The following KAT5 variants were observed in gnomAD, a reference collection of about 807,000 sequenced individuals.
The protein encoded by KAT5 is histone acetyltransferase KAT5.
A neutral mutation model predicts 68.1 loss-of-function variants in KAT5; 31 were observed. That is an observed-to-expected ratio of 0.46 (90% CI 0.34 to 0.61). KAT5 has a LOEUF of 0.61. Ranked by LOEUF, KAT5 falls within the 20% of genes least tolerant of loss-of-function variation. The pLI, the probability that KAT5 is intolerant of heterozygous loss-of-function variation, is 0.01. For missense variants in KAT5, 451 were observed against 725.5 expected (o/e 0.62, Z 4.35); for synonymous variants, 365 against 292.6 (o/e 1.25, Z -2.52).
rs766664714 is a variant in KAT5, at chr11:65,716,751, T to C, written c.1114T>C (p.Tyr372His). Reference protein sequence around the residue: ...LYYDTDPFLFYVMTEYDCKGF... With the variant: ...LYYDTDPFLFHVMTEYDCKGF... ...CTATGACACAGACCCTTTCCTCTTC[T>C]ACGTCATGACAGAGTATGACTGTAA... Residue 372 changes from tyrosine (Y) to histidine (H), a missense_variant, in exon 9 of 13, where the codon TAC becomes CAC. Tyr to His is a moderately conservative substitution (Grantham distance 83). Coordinates refer to ENST00000341318, the MANE Select transcript of KAT5 (RefSeq NM_182710.3). 1.9e-6 allele frequency: 3 copies of C among 1,614,048 alleles called. No homozygotes were observed. Among genetic ancestry groups the C allele is most frequent in the South Asian group, 1.1e-5 (1 of 91,082 alleles).
intron 2 of KAT5, 43 bp from the exon 3 acceptor site, chr11:65,712,878 GA>G (rs1857069855): frequency 6.2e-7 from 1 of 1,613,982 alleles, no homozygotes. Context: ...AGGGTTGGGG[GA>G]CAGTCTTTGG....
chr11:65,718,872 G>A lies in KAT5; in HGVS notation c.1425-1G>A. On this transcript the variant is annotated splice_acceptor_variant, in intron 11 of 12. Coordinates refer to ENST00000341318, the MANE Select transcript of KAT5 (RefSeq NM_182710.3). LOFTEE classifies it high-confidence loss of function. Reference sequence around the variant, plus strand: ...GGAACCTGACCTGTGCTCTCCCACAGTGAGATTAGTGAAATCACCAGCATC... The same window carrying A: ...GGAACCTGACCTGTGCTCTCCCACAATGAGATTAGTGAAATCACCAGCATC... 6.2e-7 allele frequency: 1 copy of A among 1,614,152 alleles called. No individual in the cohort carries two copies. The highest frequency in any genetic ancestry group is 1.1e-5 in the South Asian group (1 of 91,092).
upstream of KAT5, chr11:65,712,165 G>A (rs920003527): frequency 5.9e-6 from 7 of 1,180,066 alleles, no homozygotes; most frequent in African/African-American, 1.6e-5. Flanking sequence ...TCTCTCAAAG[G>A]TCCCCCTCTA....
rs765272889 is a variant in KAT5, at chr11:65,716,786, C to T, written c.1149C>T (p.His383=). 2 of 1,614,058 alleles carry T rather than the reference C, an allele frequency of 1.2e-6. No individual in the cohort carries two copies. The highest frequency in any genetic ancestry group is 1.3e-5 in the African/African-American group (1 of 74,926). Residue 383 remains histidine (H), a synonymous_variant, in exon 9 of 13, where the codon CAC becomes CAT. Coordinates refer to ENST00000341318, the MANE Select transcript of KAT5 (RefSeq NM_182710.3). The part of the protein sequence containing the change: ...VMTEYDCKGF[H]IVGYFSKEKE... ...CAGAGTATGACTGTAAGGGCTTCCA[C>T]ATCGTGGGCTACTTCTCCAAGGTCA...
At chr11:65,717,273 G>T (rs4645930) in intron 10 of KAT5, 2 of 526,360 alleles carry the variant, frequency 3.8e-6, no homozygotes, top group African/African-American at 1.9e-5. Context: ...ATGGGCAGAA[G>T]GTTAGTGAGC....
intron 10 of KAT5, 38 bp from the exon 11 acceptor site, chr11:65,718,552 T>C (rs750571826): frequency 6.3e-7 from 1 of 1,595,588 alleles, no homozygotes; most frequent in Non-Finnish European, 8.6e-7. Flanking sequence ...TGTTCATCTG[T>C]GACCTCTTAC....
At position 65,719,368 on chromosome 11, in the gene KAT5, A is replaced by G. The variant is rs974484828; in HGVS notation, c.*187A>G. 1.7e-5 allele frequency: 12 copies of G among 708,362 alleles called. No homozygotes were observed. In the African/African-American group the frequency reaches 2.2e-4, roughly 13 times the overall value. 43.9% of individuals were successfully genotyped at this position (708,362 alleles called of 1,614,324 possible). ...CCAAGGCGAGCTCCGGGCTCAGACC[A>G]ACTCCAAGGTCAGCTGGCCACAGGC... On this transcript the variant is annotated 3_prime_UTR_variant, in exon 13 of 13. Transcript: ENST00000341318.
At chr11:65,716,391 A>T (rs1857195939) in intron 8 of KAT5, 1 of 477,690 alleles carries the variant, frequency 2.1e-6, no homozygotes. Context: ...TCAGGCTTAG[A>T]ATGGAGGTGT....
chr11:65,712,261 A>G lies in KAT5; in HGVS notation c.-7A>G. 1 of 1,410,880 alleles carries G rather than the reference A, an allele frequency of 7.1e-7. No individual in the cohort carries two copies. The highest frequency in any genetic ancestry group is 2.9e-5 in the East Asian group (1 of 35,078). 87.4% of individuals were successfully genotyped at this position (1,410,880 alleles called of 1,614,324 possible). A position where few individuals can be genotyped will look rare whatever the true frequency, so the allele number is the denominator to read the frequency against. The stretch of plus-strand genomic sequence containing the variant: ...AGGGGCCGGAAGTGGCAGTGGAGGG[A>G]GGGAAGATGGCGGAGGTGGTGAGTC... On this transcript the variant is annotated 5_prime_UTR_variant, in exon 1 of 13. Coordinates refer to ENST00000341318, the MANE Select transcript of KAT5 (RefSeq NM_182710.3).
At chr11:65,715,118 C>G in intron 8 of KAT5, 1 of 584,080 alleles carries the variant, frequency 1.7e-6, no homozygotes, top group Admixed American at 2.8e-5. Flanking sequence ...TACCAATGAC[C>G]TCTAGCTCCC....
At position 65,718,405 on chromosome 11, in the gene KAT5, C is replaced by G. The variant is rs746434462; in HGVS notation, c.1265-185C>G. 3.4e-5 allele frequency: 22 copies of G among 646,052 alleles called. No homozygotes were observed. Among genetic ancestry groups the G allele is most frequent in the South Asian group, 7.4e-5 (4 of 53,962 alleles). The allele number at this position is 646,052 out of a possible 1,614,324, so 40.0% of individuals were successfully genotyped here. A position where few individuals can be genotyped will look rare whatever the true frequency, so the allele number is the denominator to read the frequency against. The stretch of plus-strand genomic sequence containing the variant: ...CATGCCCTCCACTGTGCTCAGCGCA[C>G]GGAAAGAGTGAATACTCAGTTCTTC... On this transcript the variant is annotated intron_variant, in intron 10 of 12. Transcript: ENST00000341318.
intron 6 of KAT5, 32 bp downstream of exon 6, chr11:65,713,880 G>A (rs1857111673): frequency 6.5e-7 from 1 of 1,545,512 alleles, no homozygotes; most frequent in South Asian, 1.2e-5. Context: ...AGGGAACTGG[G>A]TGAAAAGGAA....
chr11:65,717,071 T>G, intron 10 of KAT5, 89 bp downstream of exon 10: 1 of 1,052,342 alleles, frequency 9.5e-7, no homozygotes. Flanking sequence ...TTCTCAACCC[T>G]GGCTGTGCAG....
At chr11:65,712,738 A>G in intron 1 of KAT5, 28 bp from the exon 2 acceptor site, 1 of 1,612,678 alleles carries the variant, frequency 6.2e-7, no homozygotes, top group East Asian at 2.2e-5. Flanking sequence ...TGGCCTGTCT[A>G]AGGCCCCTGT....
At chr11:65,714,400 G>A (rs1590962585) in intron 6 of KAT5, 95 bp from the exon 7 acceptor site, 7 of 1,444,852 alleles carry the variant, frequency 4.8e-6, no homozygotes, top group Non-Finnish European at 5.7e-6. Context: ...TAGGGTTGCT[G>A]TTAGGCTTGA....
Position 65,719,527 on chromosome 11 carries a change from G to T in KAT5, c.*346G>T, listed in dbSNP as rs1487420541. Reference sequence around the variant, plus strand: ...CTTTTGTAAAGTAGAAGTTGGGGGTGGGGTGGGTGCTGGCTGCAAAAATTT... The same window carrying T: ...CTTTTGTAAAGTAGAAGTTGGGGGTTGGGTGGGTGCTGGCTGCAAAAATTT... On this transcript the variant is annotated 3_prime_UTR_variant, in exon 13 of 13. Coordinates refer to ENST00000341318, the MANE Select transcript of KAT5 (RefSeq NM_182710.3). The T allele has an allele frequency of 4.9e-6, 3 of 614,214 alleles. No homozygotes were observed. The East Asian group carries it at 8.2e-5, about 17-fold the overall frequency. The allele number at this position is 614,214 out of a possible 1,614,324, so 38.0% of individuals were successfully genotyped here.
At chr11:65,713,264 T>A (rs1857084755) in intron 3 of KAT5, 84 bp from the exon 4 acceptor site, 6 of 1,456,698 alleles carry the variant, frequency 4.1e-6, no homozygotes, top group Non-Finnish European at 5.7e-6. Flanking sequence ...GGTTTGATAA[T>A]TTTGAGGTGA....
At chr11:65,714,414 A>T in intron 6 of KAT5, 81 bp from the exon 7 acceptor site, 1 of 1,524,044 alleles carries the variant, frequency 6.6e-7, no homozygotes, top group Non-Finnish European at 8.9e-7. Context: ...GGCTTGAAGG[A>T]AACCTGTCAA....
At chr11:65,719,004 C>T in intron 12 of KAT5, 43 bp from the exon 13 acceptor site, 1 of 1,613,994 alleles carries the variant, frequency 6.2e-7, no homozygotes, top group South Asian at 1.1e-5. Context: ...GAGTGCAGTC[C>T]TCTGTGGGCT....
Sources: gnomAD v4.1 joint callset for allele counts on GRCh38, gnomAD v4.1.1 for gene constraint, MANE v1.5 for transcripts, NCBI Gene and HGNC (gene_info 2026-07-23, HGNC 2026-07-21) for gene names.